Variants in PIDD1 observed in about 807,000 individuals in gnomAD.
PIDD1 encodes the protein p53-induced death domain protein 1.
A neutral mutation model predicts 80.0 loss-of-function variants in PIDD1; 72 were observed. The ratio of observed to expected loss-of-function variants is 0.90; its 90% confidence interval spans 0.74 to 1.09. The LOEUF is 1.09. PIDD1 is among the 50% of genes least tolerant of loss of function. PIDD1 has a pLI of 0.00. For missense variants in PIDD1, 1,329 were observed against 1,228.3 expected (o/e 1.08, Z -1.23); for synonymous variants, 655 against 543.5 (o/e 1.21, Z -2.85).
upstream of PIDD1, among the ~76,000 whole-genome samples, chr11:806,819 G>C (rs138391186): frequency 3.9e-5 from 6 of 152,178 alleles, no homozygotes; most frequent in Middle Eastern, 3.4e-3. Context: ...TCCTGACCTC[G>C]TGATCCACCC....
Position 801,527 on chromosome 11 carries a change from A to G in PIDD1, c.1400T>C (p.Leu467Pro), listed in dbSNP as rs1865321064. Reference protein sequence around the residue: ...NACLVPPEGTLLCSSGHPGVK... With the variant: ...NACLVPPEGTPLCSSGHPGVK... ...CCCAGGATGACCCGAGGAGCACAGC[A>G]GTGTCCCCTCCGGTGGCACCAGGCA... is the stretch of plus-strand genomic sequence containing the variant. Residue 467 changes from leucine (L) to proline (P), a missense_variant, in exon 8 of 16, where the codon CTG becomes CCG. Physicochemically the swap from Leu to Pro is moderately conservative, Grantham distance 98 (BLOSUM62 -3). Transcript: ENST00000347755. 1 of 1,565,758 alleles carries G rather than the reference A, an allele frequency of 6.4e-7. No homozygotes were observed. The highest frequency in any genetic ancestry group is 8.7e-7 in the Non-Finnish European group (1 of 1,155,360).
In PIDD1 at chr11:801,540, G is replaced by A; in HGVS notation, c.1387C>T (p.Pro463Ser). The A allele has an allele frequency of 7.0e-6, 11 of 1,567,254 alleles. No individual in the cohort carries two copies. Among genetic ancestry groups the A allele is most frequent in the South Asian group, 1.2e-5 (1 of 85,378 alleles). Reference protein sequence around the residue: ...RPVSNACLVPPEGTLLCSSGH... With the variant: ...RPVSNACLVPSEGTLLCSSGH... ...GAGGAGCACAGCAGTGTCCCCTCCG[G>A]TGGCACCAGGCAGGCATTGGACACA... Residue 463 changes from proline (P) to serine (S), a missense_variant, in exon 8 of 16, where the codon CCG becomes TCG. Coordinates refer to ENST00000347755, the MANE Select transcript of PIDD1 (RefSeq NM_145886.4).
upstream of PIDD1, among the ~76,000 whole-genome samples, chr11:807,633 C>T (rs188781131): frequency 8.0e-5 from 12 of 149,262 alleles, no homozygotes; most frequent in South Asian, 2.1e-4. Flanking sequence ...AAAACTTAGC[C>T]GGGCGCGGTA....
intron 7 of PIDD1, 85 bp from the exon 8 acceptor site, chr11:801,709 CG>C: frequency 6.8e-6 from 8 of 1,174,032 alleles, no homozygotes; most frequent in Non-Finnish European, 8.4e-6. Flanking sequence ...CCAGGAGAGA[CG>C]GGGCGGGGTG....
chr11:807,573 C>G (rs1436186535), upstream of PIDD1, among the ~76,000 whole-genome samples: 3 of 151,740 alleles, frequency 2.0e-5, no homozygotes, highest in African/African-American at 2.4e-5. Context: ...GTCAGGAGAT[C>G]GAGACCATCT....
intron 1 of PIDD1, 91 bp downstream of exon 1, chr11:805,088 C>T (rs889138939): frequency 1.7e-5 from 8 of 470,186 alleles, no homozygotes; most frequent in Non-Finnish European, 2.0e-5. Flanking sequence ...GGCTCGGGAT[C>T]CCCCGGGCGT....
At position 800,319 on chromosome 11, in the gene PIDD1, C is replaced by T. The variant is rs375684950; in HGVS notation, c.2160+14G>A. On this transcript the variant is annotated intron_variant, in intron 13 of 15. Coordinates refer to ENST00000347755, the MANE Select transcript of PIDD1 (RefSeq NM_145886.4). ...CCTGGGGGGCCTCTCCCCTCACCCACTCCCCTCGCCCACCTGGCCCCGCAC... is the reference window on the plus strand; with the variant it reads ...CCTGGGGGGCCTCTCCCCTCACCCATTCCCCTCGCCCACCTGGCCCCGCAC... The T allele has an allele frequency of 4.3e-6, 7 of 1,612,664 alleles. No homozygotes were observed. The African/African-American group carries it at 8.0e-5, about 18-fold the overall frequency.
intron 2 of PIDD1, 154 bp from the exon 3 acceptor site, chr11:803,741 G>T: frequency 1.2e-6 from 1 of 864,878 alleles, no homozygotes. Context: ...AAACACTGGA[G>T]AGGTGCCCGC....
In PIDD1 at chr11:800,657, T is replaced by C. The variant is rs1865217604; in HGVS notation, c.1927A>G (p.Thr643Ala). The change falls in exon 12 of 16, where the codon ACC (threonine) becomes GCC (alanine). Residue 643 changes from threonine (T) to alanine (A), a missense_variant. Thr to Ala is a moderately conservative substitution (Grantham distance 58, BLOSUM62 0). Coordinates refer to ENST00000347755, the MANE Select transcript of PIDD1 (RefSeq NM_145886.4). ...QCLPRNKVDA[T>A]LRRLLERYRG... ...TACCGCTCCAGCAGCCGCCGAAGGGTGGCGTCCACCTGCGGGGAAGCCCGT... is the reference window on the plus strand; with the variant it reads ...TACCGCTCCAGCAGCCGCCGAAGGGCGGCGTCCACCTGCGGGGAAGCCCGT... The C allele has an allele frequency of 1.3e-6, 2 of 1,586,508 alleles. No individual in the cohort carries two copies. Among genetic ancestry groups the C allele is most frequent in the Non-Finnish European group, 1.7e-6 (2 of 1,172,550 alleles).
In PIDD1 at chr11:800,989, A is replaced by G; in HGVS notation, c.1762T>C (p.Ser588Pro). 1.9e-6 allele frequency: 3 copies of G among 1,604,396 alleles called. No homozygotes were observed. Among genetic ancestry groups the G allele is most frequent in the Non-Finnish European group, 2.6e-6 (3 of 1,176,100 alleles). ...AGAAAGCTGGGGGGCACTGACCAGG[A>G]GAAGTGTGTGACCTGGAAGCGTGCG... ...LYARFQVTHF[S>P]WYWLWYTTKN... The change falls in exon 10 of 16, where the codon TCC (serine) becomes CCC (proline). Residue 588 changes from serine to proline, a missense_variant. By Grantham distance (74) the Ser-to-Pro change is moderately conservative (BLOSUM62 -1). Transcript: ENST00000347755.
chr11:807,574 G>A (rs560445117), upstream of PIDD1, among the ~76,000 whole-genome samples: 23 of 151,684 alleles, frequency 1.5e-4, no homozygotes, highest in Non-Finnish European at 2.9e-4. Context: ...TCAGGAGATC[G>A]AGACCATCTT....
Position 800,876 on chromosome 11 carries a change from T to C in PIDD1, c.1803A>G (p.Gly601=). ...WLWYTTKNCV[G]GLARKAWERL... ...GCTCCCAGGCCTTCCGAGCCAGGCC[T>C]CCCACACAGTTCTTGGTGGTGTACC... The change falls in exon 11 of 16, where the codon GGA becomes GGG. Residue 601 remains glycine (G), a synonymous_variant. Transcript: ENST00000347755. 1 of 1,586,494 alleles carries C rather than the reference T, an allele frequency of 6.3e-7. No homozygotes were observed. Among genetic ancestry groups the C allele is most frequent in the Non-Finnish European group, 8.6e-7 (1 of 1,167,286 alleles).
Position 802,049 on chromosome 11 carries a change from C to T in PIDD1, c.1218G>A (p.Arg406=), listed in dbSNP as rs1218223634. 1 of 1,588,648 alleles carries T rather than the reference C, an allele frequency of 6.3e-7. No homozygotes were observed. Among genetic ancestry groups the T allele is most frequent in the African/African-American group, 1.3e-5 (1 of 74,614 alleles). Residue 406 remains arginine (R), a synonymous_variant, in exon 7 of 16, where the codon CGG becomes CGA. Transcript: ENST00000347755. ...TCCTGACCACCACTTCACGGCAGCG[C>T]CGGGCCTGCGGTGGGGTGAAGAGCA... is the stretch of plus-strand genomic sequence containing the variant. ...LWLLFTPPQA[R]RCREVVVRTR...
intron 5 of PIDD1, 24 bp from the exon 6 acceptor site, chr11:802,420 C>T (rs143025790): frequency 6.2e-7 from 1 of 1,607,324 alleles, no homozygotes. Context: ...GAGCGAGCAA[C>T]AGGTTAGACC....
intron 9 of PIDD1, 42 bp downstream of exon 9, chr11:801,176 C>T: frequency 6.5e-7 from 1 of 1,545,078 alleles, no homozygotes; most frequent in Non-Finnish European, 8.7e-7. Flanking sequence ...CCCCTCCACC[C>T]TATGGCCACA....
At chr11:802,506 A>G (rs1377938962) in intron 5 of PIDD1, 37 bp downstream of exon 5, 2 of 1,609,036 alleles carry the variant, frequency 1.2e-6, no homozygotes, top group African/African-American at 1.3e-5. Flanking sequence ...TGACAGGCAG[A>G]CAGACTCCCC....
rs1176234027 is a variant in PIDD1, at chr11:804,221, C to T, written c.168G>A (p.Gln56=). Residue 56 remains glutamine (Q), a synonymous_variant, in exon 2 of 16, where the codon CAG becomes CAA. Coordinates refer to ENST00000347755, the MANE Select transcript of PIDD1 (RefSeq NM_145886.4). ...CCACCTGCAGCAGCTGCAGAGGCTG[C>T]TGGACACACAGGTGCAGCAGCTGCT... is the stretch of plus-strand genomic sequence containing the variant. ...GCQQLLHLCV[Q]QPLQLLQVEF... 10 of 1,612,876 alleles carry T rather than the reference C, an allele frequency of 6.2e-6. No individual in the cohort carries two copies. In the Admixed American group the frequency reaches 1.0e-4, roughly 16 times the overall value.
chr11:803,655 C>A (rs2133804261), intron 2 of PIDD1, 68 bp from the exon 3 acceptor site: 1 of 1,532,696 alleles, frequency 6.5e-7, no homozygotes, highest in Non-Finnish European at 8.8e-7. Flanking sequence ...ACCCTGCCAG[C>A]CAGAGAAACA....
rs1290333877 is a variant in PIDD1, at chr11:800,599, A to G, written c.1985T>C (p.Met662Thr). Residue 662 changes from methionine to threonine, a missense_variant, in exon 12 of 16, where the codon ATG (methionine) becomes ACG (threonine). Met to Thr is a moderately conservative substitution (Grantham distance 81). Coordinates refer to ENST00000347755, the MANE Select transcript of PIDD1 (RefSeq NM_145886.4). ...RGPEPSDTVE[M>T]FEGEEFFAAF... ...CGCAAAGAACTCTTCGCCCTCGAAC[A>G]TCTCCACCGTGTCAGAGGGCTCGGG... is the stretch of plus-strand genomic sequence containing the variant. 1 of 1,596,816 alleles carries G rather than the reference A, an allele frequency of 6.3e-7. No individual in the cohort carries two copies. Among genetic ancestry groups the G allele is most frequent in the South Asian group, 1.1e-5 (1 of 90,622 alleles).
Sources: gnomAD v4.1 joint callset for allele counts (sites outside exome capture counted in the v4.1 genomes callset) on GRCh38, gnomAD v4.1.1 for gene constraint, MANE v1.5 for transcripts, NCBI Gene and HGNC (gene_info 2026-07-23, HGNC 2026-07-21) for gene names.